KIF16B: variants seen among roughly 807,000 people sequenced by gnomAD.
The protein encoded by KIF16B is kinesin family member 16B, also known as kinesin-like protein KIF16B.
In KIF16B, 98 loss-of-function variants were observed where a neutral mutation model predicts 156.3. The ratio of observed to expected loss-of-function variants is 0.63; its 90% CI spans 0.53 to 0.74. The LOEUF is 0.74. KIF16B is among the 30% of genes least tolerant of loss of function. The pLI is 0.00. For synonymous variants in KIF16B, 564 were observed against 583.7 expected (o/e 0.97, Z 0.49); for missense variants, 1,421 against 1,606.5 (o/e 0.88, Z 1.97).
At chr20:16,494,096 T>C (rs1415626027) in intron 12 of KIF16B, among the ~76,000 whole-genome samples, 195 bp downstream of exon 12, 3 of 152,048 alleles carry the variant, frequency 2.0e-5, no homozygotes, top group Admixed American at 2.0e-4. Flanking sequence ...CACACAGCTA[T>C]AATATCTAAT....
chr20:16,550,330 T>C (rs1023054291), intron 1 of KIF16B, among the ~76,000 whole-genome samples: 1 of 151,572 alleles, frequency 6.6e-6, no homozygotes, highest in African/African-American at 2.4e-5. Context: ...ATGGCAGTCA[T>C]TAAAAAGTCA....
At chr20:16,294,581 C>T (rs115661945) in intron 25 of KIF16B, among the ~76,000 whole-genome samples, 19 of 152,276 alleles carry the variant, frequency 1.2e-4, no homozygotes, top group African/African-American at 4.1e-4. Context: ...AGAATGATCT[C>T]CAGGGCCTTG....
chr20:16,444,860 G>A (rs2066891464), intron 12 of KIF16B, among the ~76,000 whole-genome samples: 1 of 152,168 alleles, frequency 6.6e-6, no homozygotes, highest in Admixed American at 6.5e-5. Context: ...ATTCATGATT[G>A]ATTCTCATTT....
chr20:16,420,485 C>T (rs1003033374), intron 15 of KIF16B, among the ~76,000 whole-genome samples: 1 of 151,986 alleles, frequency 6.6e-6, no homozygotes, highest in African/African-American at 2.4e-5. Context: ...TGAAAAGAGA[C>T]ATCTGAATAC....
chr20:16,407,856 A>C (rs958699162), intron 15 of KIF16B, among the ~76,000 whole-genome samples: 1 of 152,124 alleles, frequency 6.6e-6, no homozygotes, highest in African/African-American at 2.4e-5. Context: ...GCAAGAGTTC[A>C]AAGTCTGGAG....
chr20:16,428,882 T>A (rs1373493922), intron 14 of KIF16B, 71 bp downstream of exon 14: 1 of 1,259,826 alleles, frequency 7.9e-7, no homozygotes, highest in Non-Finnish European at 1.2e-6. Flanking sequence ...ATGTCAGTCA[T>A]TCGAAAAAGT....
chr20:16,504,594 C>T (rs764738307), intron 9 of KIF16B, 47 bp from the exon 10 acceptor site: 1 of 1,531,720 alleles, frequency 6.5e-7, no homozygotes, highest in African/African-American at 1.4e-5. Flanking sequence ...ACTCCATGTT[C>T]CATTTAACAC....
At chr20:16,280,870 G>GCA (rs1555833652) in intron 25 of KIF16B, among the ~76,000 whole-genome samples, 6 of 151,878 alleles carry the variant, frequency 4.0e-5, no homozygotes, top group East Asian at 1.9e-4. Context: ...GTGTGTGTGC[G>GCA]CAGAAAATGC....
Position 16,353,489 on chromosome 20 carries a change from C to T in KIF16B, c.3621+2841G>A, listed in dbSNP as rs544349981. Among the ~76,000 whole-genome samples the T allele has an allele frequency of 1.6e-4, 25 of 152,296 alleles. 1 individual carries two copies. In the South Asian group the frequency reaches 2.1e-3, roughly 13 times the overall value. ...TTTTATTTTTATTTCTTTTTAATAA[C>T]AAACACTTATCCAACACTTAGTATG... On this transcript the variant is annotated intron_variant, in intron 23 of 25. Coordinates refer to ENST00000354981, the MANE Select transcript of KIF16B (RefSeq NM_024704.5).
In KIF16B at chr20:16,546,850, C is replaced by T. The variant is rs144569194; in HGVS notation, c.48-18410G>A. Among the ~76,000 whole-genome samples the T allele has an allele frequency of 4.1e-3, 626 of 152,178 alleles. 8 individuals are homozygous for T. The highest frequency in any genetic ancestry group is 0.014 in the African/African-American group (594 of 41,506). Reference sequence around the variant, plus strand: ...GGAGTGCAGTGGTGCAATCTTGACTCACTGCAACTTCTGCCTGCCAGGTTC... The same window carrying T: ...GGAGTGCAGTGGTGCAATCTTGACTTACTGCAACTTCTGCCTGCCAGGTTC... On this transcript the variant is annotated intron_variant, in intron 1 of 25. Coordinates refer to ENST00000354981, the MANE Select transcript of KIF16B (RefSeq NM_024704.5).
intron 12 of KIF16B, among the ~76,000 whole-genome samples, chr20:16,435,664 T>C (rs1015324049): frequency 1.3e-5 from 2 of 152,218 alleles, no homozygotes; most frequent in African/African-American, 4.8e-5. Flanking sequence ...CAATTGTCCT[T>C]ATATTACACT....
chr20:16,564,643 C>A (rs2071186887), intron 1 of KIF16B, among the ~76,000 whole-genome samples: 1 of 149,500 alleles, frequency 6.7e-6, no homozygotes, highest in African/African-American at 2.5e-5. Context: ...TGCACATGTA[C>A]CCTAAAACTT....
intron 1 of KIF16B, among the ~76,000 whole-genome samples, chr20:16,535,759 T>C (rs1197860447): frequency 2.0e-5 from 3 of 152,106 alleles, no homozygotes. Context: ...GTATCACTAA[T>C]TATCAGGGAA....
chr20:16,452,662 C>T (rs1454534733), intron 12 of KIF16B, among the ~76,000 whole-genome samples: 3 of 151,826 alleles, frequency 2.0e-5, no homozygotes, highest in Admixed American at 6.6e-5. Flanking sequence ...AGTGGAACCC[C>T]GTCTCTACTA....
intron 24 of KIF16B, among the ~76,000 whole-genome samples, chr20:16,329,620 G>A (rs927845343): frequency 1.3e-5 from 2 of 152,102 alleles, no homozygotes; most frequent in African/African-American, 2.4e-5. Context: ...CTTTACAGAC[G>A]TGAACTGGAA....
At chr20:16,409,669 A>G (rs1043783667) in intron 15 of KIF16B, among the ~76,000 whole-genome samples, 2 of 151,860 alleles carry the variant, frequency 1.3e-5, no homozygotes, top group South Asian at 2.1e-4. Context: ...GAAGATATGT[A>G]GGAGATAAAA....
At position 16,374,286 on chromosome 20, in the gene KIF16B, T is replaced by A; in HGVS notation, c.3321A>T (p.Lys1107Asn). The change falls in exon 20 of 26, where the codon AAA becomes AAT. Residue 1107 changes from lysine (K) to asparagine (N), a missense_variant. Physicochemically the swap from Lys to Asn is moderately conservative, Grantham distance 94. Coordinates refer to ENST00000354981, the MANE Select transcript of KIF16B (RefSeq NM_024704.5). ...ASSSLPVSAE[K>N]SHLVPLMDAR... Reference sequence around the variant, plus strand: ...CATCCATGAGGGGAACCAGGTGTGATTTTTCAGCACTGACTGGCAAGCTGG... The same window carrying A: ...CATCCATGAGGGGAACCAGGTGTGAATTTTCAGCACTGACTGGCAAGCTGG... 2 of 1,597,046 alleles carry A rather than the reference T, an allele frequency of 1.3e-6. No homozygotes were observed. The highest frequency in any genetic ancestry group is 1.7e-6 in the Non-Finnish European group (2 of 1,170,026).
chr20:16,562,518 G>A (rs6111183), intron 1 of KIF16B, among the ~76,000 whole-genome samples: 3 of 152,196 alleles, frequency 2.0e-5, no homozygotes, highest in Non-Finnish European at 2.9e-5. Context: ...CCGTGACTAC[G>A]GATCCCAATC....
chr20:16,565,363 A>G (rs1568695560), intron 1 of KIF16B, among the ~76,000 whole-genome samples: 2 of 152,320 alleles, frequency 1.3e-5, no homozygotes, highest in South Asian at 4.1e-4. Flanking sequence ...CTGTACCTTC[A>G]TGAGAGAATG....
Sources: gnomAD v4.1 joint callset for allele counts (sites outside exome capture counted in the v4.1 genomes callset) on GRCh38, gnomAD v4.1.1 for gene constraint, MANE v1.5 for transcripts, NCBI Gene and HGNC (gene_info 2026-07-23, HGNC 2026-07-21) for gene names.